Variants in ADRA1A observed in about 807,000 individuals in gnomAD.
ADRA1A encodes adrenoceptor alpha 1A, also known as alpha-1A adrenergic receptor.
In ADRA1A, 31 loss-of-function variants were observed where a neutral mutation model predicts 29.6. That is an observed-to-expected ratio of 1.05 (90% CI 0.79 to 1.41). The LOEUF (loss-of-function observed/expected upper bound fraction) is 1.41. ADRA1A is among the 40% of genes most tolerant of loss of function. ADRA1A has a pLI of 0.00. For missense variants in ADRA1A, 619 were observed against 601.1 expected, an observed-to-expected ratio of 1.03 and a Z score of -0.31; for synonymous variants, 311 against 254.3, an observed-to-expected ratio of 1.22 and a Z score of -2.12.
Position 26,864,354 on chromosome 8 carries a change from G to C in ADRA1A, c.616C>G (p.Arg206Gly), listed in dbSNP as rs1285479324. Residue 206 changes from arginine to glycine, a missense_variant, in exon 2 of 3, where the codon CGC becomes GGC. Physicochemically the swap from Arg to Gly is moderately radical, Grantham distance 125 (BLOSUM62 -2). Coordinates refer to ENST00000380573, the MANE Select transcript of ADRA1A (RefSeq NM_000680.4). This position sits in a 1 kb window ranked among gnomAD's most constrained non-coding sequence, Gnocchi z 8.1. ...TCCCTCTTGGCCACCACGTAGACGC[G>C]GCAGTACATGACCAGGATGATGGCC... ...PLAIILVMYCRVYVVAKRESR... is the reference protein window; with the variant it reads ...PLAIILVMYCGVYVVAKRESR... 3 of 1,613,874 alleles carry C rather than the reference G, an allele frequency of 1.9e-6. No individual in the cohort carries two copies. Among genetic ancestry groups the C allele is most frequent in the Non-Finnish European group, 2.5e-6 (3 of 1,180,016 alleles).
rs1422463587 is a variant in ADRA1A, at chr8:26,815,227, C to T, written c.884-44561G>A. Among the ~76,000 whole-genome samples, 2 of 152,186 alleles carry T rather than the reference C, an allele frequency of 1.3e-5. No individual in the cohort carries two copies. Among genetic ancestry groups the T allele is most frequent in the Non-Finnish European group, 2.9e-5 (2 of 68,038 alleles). The stretch of plus-strand genomic sequence containing the variant: ...AGTCTTAAATAGATACTTGAAATCA[C>T]ATGCAGATTTCCTTTTCTGGAAATA... On this transcript the variant is annotated intron_variant, in intron 2 of 2. Transcript: ENST00000380573. The surrounding 1 kb of genome is among the most constrained non-coding windows in gnomAD (Gnocchi z 4.2).
intron 2 of ADRA1A, among the ~76,000 whole-genome samples, chr8:26,750,553 T>C (rs67023549): frequency 0.12 from 18,727 of 152,218 alleles, 1,707 homozygotes; most frequent in African/African-American, 0.26. Flanking sequence ...TTTGTCCTCA[T>C]GACCTAATTA....
rs535930276 is a variant in ADRA1A, at chr8:26,812,952, T to C, written c.884-42286A>G. Among the ~76,000 whole-genome samples, 217 of 151,658 alleles carry C rather than the reference T, an allele frequency of 1.4e-3. 5 individuals are homozygous for C. In the South Asian group the frequency reaches 0.025, roughly 17 times the overall value. On this transcript the variant is annotated intron_variant, in intron 2 of 2. Transcript: ENST00000380573. ...AAGTGCTGGGATTACAGGCTTGAGC[T>C]ACCACGCCCGGCCTGCCTTTTTATA...
downstream of ADRA1A, among the ~76,000 whole-genome samples, chr8:26,755,325 G>C (rs1053083493): frequency 6.6e-6 from 1 of 152,098 alleles, no homozygotes; most frequent in African/African-American, 2.4e-5. Flanking sequence ...CACTCTGTCA[G>C]GAAAGCCTTG....
At chr8:26,785,412 T>C (rs1343845790) in intron 2 of ADRA1A, among the ~76,000 whole-genome samples, 1 of 152,172 alleles carries the variant, frequency 6.6e-6, no homozygotes, top group African/African-American at 2.4e-5. Flanking sequence ...GGACTACAAA[T>C]ACGCAAGGAT....
At chr8:26,789,864 C>T (rs1012014033) in intron 2 of ADRA1A, among the ~76,000 whole-genome samples, 1 of 152,076 alleles carries the variant, frequency 6.6e-6, no homozygotes, top group Admixed American at 6.6e-5. Context: ...ATAAAAATAT[C>T]ACGAATCATC....
downstream of ADRA1A, among the ~76,000 whole-genome samples, chr8:26,768,223 C>T (rs1170640247): frequency 6.6e-6 from 1 of 152,152 alleles, no homozygotes; most frequent in African/African-American, 2.4e-5. Flanking sequence ...TATCATTTTG[C>T]TGCAAGAGAA....
At chr8:26,803,629 TAGAC>T in intron 2 of ADRA1A, among the ~76,000 whole-genome samples, 1 of 152,210 alleles carries the variant, frequency 6.6e-6, no homozygotes, top group African/African-American at 2.4e-5. Flanking sequence ...ATTAACAAAA[TAGAC>T]AAAACACAGC....
intron 2 of ADRA1A, among the ~76,000 whole-genome samples, chr8:26,839,210 G>A (rs1010189807): frequency 1.4e-5 from 2 of 147,172 alleles, no homozygotes; most frequent in Non-Finnish European, 3.0e-5. Context: ...CCAGGCTGGA[G>A]TGCAGTGGTG....
intron 2 of ADRA1A, among the ~76,000 whole-genome samples, chr8:26,751,145 G>C (rs1005832294): frequency 3.3e-5 from 5 of 152,024 alleles, no homozygotes; most frequent in African/African-American, 1.2e-4. Context: ...TGCAAATGAG[G>C]CCTGCAGTGT....
intron 2 of ADRA1A, among the ~76,000 whole-genome samples, chr8:26,842,661 A>C (rs566276150): frequency 9.9e-5 from 15 of 152,200 alleles, no homozygotes; most frequent in African/African-American, 3.1e-4. Context: ...ACTGCTCTGC[A>C]ATGTTGCTTC....
chr8:26,831,876 T>C lies in ADRA1A; in HGVS notation c.883+32211A>G, dbSNP rs1056994679. Among the ~76,000 whole-genome samples the C allele has an allele frequency of 6.6e-6, 1 of 152,216 alleles. No homozygotes were observed. The highest frequency in any genetic ancestry group is 2.4e-5 in the African/African-American group (1 of 41,456). On this transcript the variant is annotated intron_variant, in intron 2 of 2. Transcript: ENST00000380573. The surrounding 1 kb of genome is among the most constrained non-coding windows in gnomAD (Gnocchi z 5.2). ...CCCCTGCGCTGTGGGCTCCCTGCCC[T>C]GTGGAGTCCTGTGCTCCAGGCTGGC... is the stretch of plus-strand genomic sequence containing the variant.
At chr8:26,845,029 G>T (rs1812097514) in intron 2 of ADRA1A, among the ~76,000 whole-genome samples, 1 of 152,132 alleles carries the variant, frequency 6.6e-6, no homozygotes, top group Non-Finnish European at 1.5e-5. Flanking sequence ...GCTTGAATTA[G>T]ACAATGACTC....
At position 26,864,748 on chromosome 8, in the gene ADRA1A, C is replaced by A. The variant is rs201611660; in HGVS notation, c.222G>T (p.Leu74=). 1.9e-6 allele frequency: 3 copies of A among 1,614,092 alleles called. No individual in the cohort carries two copies. In the South Asian group the frequency reaches 3.3e-5, roughly 18 times the overall value. Residue 74 remains leucine (L), a synonymous_variant, in exon 2 of 3, where the codon CTG becomes CTT. Transcript: ENST00000380573. This position sits in a 1 kb window ranked among gnomAD's most constrained non-coding sequence, Gnocchi z 8.1. The part of the protein sequence containing the change: ...YIVNLAVADL[L]LTSTVLPFSA... ...AGAAGGGCAGCACCGTGGAGGTGAG[C>A]AGGAGGTCGGCCACCGCCAGGTTGA...
downstream of ADRA1A, among the ~76,000 whole-genome samples, chr8:26,765,625 G>A (rs1203626115): frequency 6.6e-6 from 1 of 152,244 alleles, no homozygotes; most frequent in African/African-American, 2.4e-5. Context: ...GCATACCTCT[G>A]ATGTCTCCAT....
At position 26,864,634 on chromosome 8, in the gene ADRA1A, C is replaced by G; in HGVS notation, c.336G>C (p.Ala112=). The G allele has an allele frequency of 6.2e-7, 1 of 1,614,106 alleles. No individual in the cohort carries two copies. The highest frequency in any genetic ancestry group is 1.1e-5 in the South Asian group (1 of 91,078). The part of the protein sequence containing the change: ...WAAVDVLCCT[A]SIMGLCIISI... ...AGATGATGCAGAGGCCCATGATGGA[C>G]GCGGTGCAGCACAGCACATCCACTG... The change falls in exon 2 of 3, where the codon GCG becomes GCC. Residue 112 remains alanine (A), a synonymous_variant. Coordinates refer to ENST00000380573, the MANE Select transcript of ADRA1A (RefSeq NM_000680.4). The surrounding 1 kb of genome is among the most constrained non-coding windows in gnomAD (Gnocchi z 8.1).
Position 26,806,758 on chromosome 8 carries a change from G to A in ADRA1A, c.884-36092C>T, listed in dbSNP as rs1260899825. 6.6e-6 allele frequency among the ~76,000 whole-genome samples: 1 copy of A among 152,196 alleles called. No homozygotes were observed. Among genetic ancestry groups the A allele is most frequent in the East Asian group, 1.9e-4 (1 of 5,202 alleles). ...CATGCCTGGAAGGAGGAAATAGGAA[G>A]AGCACGTGCAGTGGCTGCTGCTAGA... is the stretch of plus-strand genomic sequence containing the variant. On this transcript the variant is annotated intron_variant, in intron 2 of 2. Transcript: ENST00000380573. This position sits in a 1 kb window ranked among gnomAD's most constrained non-coding sequence, Gnocchi z 4.6.
chr8:26,864,593 A>G lies in ADRA1A; in HGVS notation c.377T>C (p.Ile126Thr). The G allele has an allele frequency of 1.9e-6, 3 of 1,614,046 alleles. No homozygotes were observed. The highest frequency in any genetic ancestry group is 2.5e-6 in the Non-Finnish European group (3 of 1,180,024). Residue 126 changes from isoleucine (I) to threonine (T), a missense_variant, in exon 2 of 3, where the codon ATC (isoleucine) becomes ACC (threonine). Transcript: ENST00000380573. The surrounding 1 kb of genome is among the most constrained non-coding windows in gnomAD (Gnocchi z 8.1). Reference sequence around the variant, plus strand: ...GTAGCGCAGCGGGTAGCTCACGCCGATGTAGCGGTCGATGGAGATGATGCA... The same window carrying G: ...GTAGCGCAGCGGGTAGCTCACGCCGGTGTAGCGGTCGATGGAGATGATGCA... ...GLCIISIDRY[I>T]GVSYPLRYPT...
intron 2 of ADRA1A, among the ~76,000 whole-genome samples, chr8:26,816,320 C>T (rs939972710): frequency 2.6e-5 from 4 of 152,202 alleles, no homozygotes; most frequent in African/African-American, 9.6e-5. Flanking sequence ...TTGCTGGGTT[C>T]AGACCTATTG....
Sources: allele counts gnomAD v4.1 joint callset (sites outside exome capture counted in the v4.1 genomes callset), GRCh38; gene constraint gnomAD v4.1.1; non-coding constraint Gnocchi (gnomAD v3.1); transcripts MANE v1.5; gene names NCBI Gene and HGNC (gene_info 2026-07-23, HGNC 2026-07-21).